VAV3: variants seen among roughly 807,000 people sequenced by gnomAD.
VAV3 encodes vav guanine nucleotide exchange factor 3.
VAV3 carries 94 observed loss-of-function variants against 131.2 expected under a neutral mutation model. That is an observed-to-expected ratio of 0.72 (90% CI 0.61 to 0.85). The LOEUF (loss-of-function observed/expected upper bound fraction) is 0.85, where lower values mean the gene tolerates loss of function less well. Among genes scored for constraint, VAV3 ranks in the 40% least tolerant of loss-of-function variants. The pLI, the probability that VAV3 is intolerant of heterozygous loss-of-function variation, is 0.00. For synonymous variants in VAV3, 349 were observed against 342.0 expected (o/e 1.02, Z -0.22); for missense variants, 939 against 1,002.7 (o/e 0.94, Z 0.86).
chr1:107,925,348 AC>A (rs1313593902), intron 1 of VAV3, among the ~76,000 whole-genome samples: 2 of 152,184 alleles, frequency 1.3e-5, no homozygotes, highest in Non-Finnish European at 2.9e-5. Context: ...CCAATATTAC[AC>A]TTTAATTTAA....
At chr1:107,691,347 C>G (rs1393995143) in intron 17 of VAV3, among the ~76,000 whole-genome samples, 3 of 152,130 alleles carry the variant, frequency 2.0e-5, no homozygotes. Context: ...GCCTGCAACC[C>G]CATTTTTACT....
At chr1:107,933,851 A>C (rs1239002362) in intron 1 of VAV3, among the ~76,000 whole-genome samples, 1 of 151,212 alleles carries the variant, frequency 6.6e-6, no homozygotes. Context: ...TCATTACTTG[A>C]AAATTGCGAT....
chr1:107,635,854 C>T (rs1431530015), intron 20 of VAV3, among the ~76,000 whole-genome samples: 1 of 152,170 alleles, frequency 6.6e-6, no homozygotes, highest in Non-Finnish European at 1.5e-5. Context: ...GGCCGGAATT[C>T]CTATGTCCGA....
chr1:107,959,713 T>C (rs1674989669), intron 1 of VAV3, among the ~76,000 whole-genome samples: 1 of 152,136 alleles, frequency 6.6e-6, no homozygotes, highest in Non-Finnish European at 1.5e-5. Context: ...AGTCTCATGA[T>C]TTTAAATACC....
chr1:107,833,713 C>T (rs1668358943), intron 2 of VAV3, among the ~76,000 whole-genome samples: 1 of 152,164 alleles, frequency 6.6e-6, no homozygotes, highest in South Asian at 2.1e-4. Flanking sequence ...GTGCCTATTT[C>T]ACTCCCTGTA....
At position 107,785,977 on chromosome 1, in the gene VAV3, TTA is replaced by T. The variant is rs1239879772; in HGVS notation, c.322-6487_322-6486del. On this transcript the variant is annotated intron_variant, in intron 2 of 26. Coordinates refer to ENST00000370056, the MANE Select transcript of VAV3 (RefSeq NM_006113.5). ...TACCCCCATTAGGATACACTACAGC[TTA>T]GTGTCACTTCCAGCAACACATCTTA... Among the ~76,000 whole-genome samples the T allele has an allele frequency of 2.0e-5, 3 of 152,202 alleles. No homozygotes were observed. In the East Asian group the frequency reaches 5.8e-4, roughly 29 times the overall value.
chr1:107,939,118 T>A (rs1673861435), intron 1 of VAV3, among the ~76,000 whole-genome samples: 1 of 152,244 alleles, frequency 6.6e-6, no homozygotes, highest in African/African-American at 2.4e-5. Flanking sequence ...TGCAAATCGT[T>A]CTTGGCTTCA....
At chr1:107,845,469 A>G (rs1176830855) in intron 2 of VAV3, among the ~76,000 whole-genome samples, 1 of 152,192 alleles carries the variant, frequency 6.6e-6, no homozygotes, top group Non-Finnish European at 1.5e-5. Flanking sequence ...TGACAGAAGT[A>G]GGCTTCAGAA....
intron 1 of VAV3, among the ~76,000 whole-genome samples, chr1:107,932,508 G>A (rs1673489678): frequency 6.6e-6 from 1 of 152,198 alleles, no homozygotes; most frequent in Admixed American, 6.5e-5. Flanking sequence ...GGTCTATGCT[G>A]CAAGGACCTG....
chr1:107,765,254 T>C, intron 8 of VAV3, 79 bp from the exon 9 acceptor site: 1 of 1,133,380 alleles, frequency 8.8e-7, no homozygotes, highest in Non-Finnish European at 1.3e-6. Flanking sequence ...AGAATCTTCA[T>C]CTCTTTAAAA....
intron 21 of VAV3, among the ~76,000 whole-genome samples, chr1:107,614,160 A>C (rs113967885): frequency 0.018 from 2,750 of 152,016 alleles, 87 homozygotes; most frequent in African/African-American, 0.063. Flanking sequence ...GATATACCCA[A>C]GTTTGCATTG....
intron 19 of VAV3, chr1:107,669,403 T>C: frequency 2.3e-6 from 3 of 1,289,782 alleles, no homozygotes; most frequent in Non-Finnish European, 3.0e-6. Flanking sequence ...CTTGTTCTTC[T>C]TTTGGCTTTT....
chr1:107,960,465 CA>C (rs61022558), intron 1 of VAV3, among the ~76,000 whole-genome samples: 16,573 of 140,606 alleles, frequency 0.12, 1,692 homozygotes, highest in African/African-American at 0.29. Flanking sequence ...GACTCCGTCT[CA>C]AAAAAAAAAA....
intron 2 of VAV3, among the ~76,000 whole-genome samples, chr1:107,857,147 C>T (rs1669512163): frequency 6.6e-6 from 1 of 152,118 alleles, no homozygotes; most frequent in Admixed American, 6.6e-5. Flanking sequence ...CTGGGAAAGG[C>T]AGACCTACCC....
intron 2 of VAV3, among the ~76,000 whole-genome samples, chr1:107,863,692 A>G (rs190205881): frequency 1.8e-4 from 27 of 152,332 alleles, no homozygotes; most frequent in South Asian, 4.1e-4. Context: ...ATATCTTGGT[A>G]TGTCTGTAAA....
intron 25 of VAV3, among the ~76,000 whole-genome samples, chr1:107,577,083 C>G (rs1164706726): frequency 6.6e-6 from 1 of 152,232 alleles, no homozygotes; most frequent in African/African-American, 2.4e-5. Context: ...TATGGATGCT[C>G]TAAAACTTTC....
At chr1:107,711,894 C>T (rs1006328155) in intron 15 of VAV3, among the ~76,000 whole-genome samples, 2 of 152,052 alleles carry the variant, frequency 1.3e-5, no homozygotes, top group Non-Finnish European at 2.9e-5. Flanking sequence ...CCATATTGGC[C>T]AGGCTGGTCT....
intron 1 of VAV3, among the ~76,000 whole-genome samples, chr1:107,897,508 G>A (rs770923588): frequency 6.6e-6 from 1 of 151,886 alleles, no homozygotes; most frequent in Non-Finnish European, 1.5e-5. Flanking sequence ...GAAGGAAAAG[G>A]AGGAAGTGAG....
chr1:107,808,724 T>C (rs565684187), intron 2 of VAV3, among the ~76,000 whole-genome samples: 2 of 152,284 alleles, frequency 1.3e-5, no homozygotes, highest in Non-Finnish European at 2.9e-5. Flanking sequence ...CCACATAAGA[T>C]GATTTTCTAG....
Sources: gnomAD v4.1 joint callset for allele counts (sites outside exome capture counted in the v4.1 genomes callset) on GRCh38, gnomAD v4.1.1 for gene constraint, MANE v1.5 for transcripts, NCBI Gene and HGNC (gene_info 2026-07-23, HGNC 2026-07-21) for gene names.